Variants in LRBA observed in about 807,000 individuals in gnomAD.
LRBA encodes the protein LPS responsive beige-like anchor protein, also known as lipopolysaccharide-responsive and beige-like anchor protein.
LRBA carries 176 observed loss-of-function variants against 330.0 expected under a neutral mutation model. That is an observed-to-expected ratio of 0.53 (90% CI 0.47 to 0.60). The LOEUF is 0.60. Among genes scored for constraint, LRBA ranks in the 20% least tolerant of loss-of-function variants. LRBA has a pLI of 0.00. For synonymous variants in LRBA, 1,230 were observed against 1,193.0 expected, an observed-to-expected ratio of 1.03 and a Z score of -0.64; for missense variants, 3,259 against 3,444.8, an observed-to-expected ratio of 0.95 and a Z score of 1.35.
intron 40 of LRBA, among the ~76,000 whole-genome samples, chr4:150,547,996 A>G (rs902241424): frequency 6.6e-6 from 1 of 152,158 alleles, no homozygotes; most frequent in Non-Finnish European, 1.5e-5. Flanking sequence ...TGCCTTAAAC[A>G]TATTTATTTA....
chr4:150,884,362 G>C (rs1728724646), intron 17 of LRBA, among the ~76,000 whole-genome samples: 1 of 152,150 alleles, frequency 6.6e-6, no homozygotes, highest in Non-Finnish European at 1.5e-5. Flanking sequence ...ACTCCACACA[G>C]ACATAGCTGA....
At chr4:150,626,438 A>T (rs1776869684) in intron 37 of LRBA, among the ~76,000 whole-genome samples, 1 of 152,240 alleles carries the variant, frequency 6.6e-6, no homozygotes, top group African/African-American at 2.4e-5. Flanking sequence ...GTGTTTATCA[A>T]TACAACATTA....
chr4:150,472,655 C>T (rs917378400), intron 42 of LRBA, among the ~76,000 whole-genome samples: 5 of 152,094 alleles, frequency 3.3e-5, no homozygotes, highest in African/African-American at 1.2e-4. Flanking sequence ...TCATTCCTAT[C>T]CCCACCTACA....
At chr4:150,978,760 T>A (rs1463024852) in intron 2 of LRBA, among the ~76,000 whole-genome samples, 2 of 151,874 alleles carry the variant, frequency 1.3e-5, no homozygotes, top group South Asian at 4.2e-4. Flanking sequence ...TGCATCAGAG[T>A]CTCTTAACAG....
At chr4:150,924,292 G>A (rs1215866246) in intron 4 of LRBA, among the ~76,000 whole-genome samples, 6 of 152,036 alleles carry the variant, frequency 3.9e-5, no homozygotes, top group South Asian at 2.1e-4. Flanking sequence ...TGGAGGGATC[G>A]CTTGAGCCTA....
At chr4:150,289,223 C>G (rs544926048) in intron 53 of LRBA, among the ~76,000 whole-genome samples, 73 of 152,034 alleles carry the variant, frequency 4.8e-4, no homozygotes, top group Non-Finnish European at 8.8e-4. Context: ...GCTTTGTTTA[C>G]AAAATACTAG....
At chr4:150,332,458 A>G (rs1561025935) in intron 48 of LRBA, among the ~76,000 whole-genome samples, 2 of 152,184 alleles carry the variant, frequency 1.3e-5, no homozygotes, top group Non-Finnish European at 2.9e-5. Flanking sequence ...CTTATTGATC[A>G]GACTATAAGT....
chr4:150,831,438 TTAAC>T (rs1412491293), intron 29 of LRBA, among the ~76,000 whole-genome samples: 2 of 152,198 alleles, frequency 1.3e-5, no homozygotes, highest in Non-Finnish European at 2.9e-5. Flanking sequence ...CAACAGCTAC[TTAAC>T]TAACTATACT....
intron 16 of LRBA, among the ~76,000 whole-genome samples, chr4:150,894,019 T>C (rs1729783594): frequency 6.6e-6 from 1 of 152,236 alleles, no homozygotes; most frequent in Admixed American, 6.5e-5. Flanking sequence ...ATACCTTTTA[T>C]GTTATATTGA....
chr4:150,272,315 AG>A (rs1207756596), intron 56 of LRBA, among the ~76,000 whole-genome samples: 1 of 152,210 alleles, frequency 6.6e-6, no homozygotes, highest in African/African-American at 2.4e-5. Context: ...ACCCATCCAA[AG>A]GTCACCAACA....
intron 17 of LRBA, among the ~76,000 whole-genome samples, chr4:150,874,782 C>A (rs186620314): frequency 2.6e-4 from 40 of 152,178 alleles, no homozygotes; most frequent in Non-Finnish European, 5.4e-4. Flanking sequence ...CTCCAGGCAA[C>A]TGACGCACCC....
At chr4:150,594,899 C>G (rs1773317218) in intron 38 of LRBA, among the ~76,000 whole-genome samples, 1 of 151,954 alleles carries the variant, frequency 6.6e-6, no homozygotes, top group Admixed American at 6.6e-5. Context: ...AAAACACACA[C>G]AACAAAAACT....
intron 56 of LRBA, among the ~76,000 whole-genome samples, chr4:150,267,370 T>C (rs55728314): frequency 0.26 from 39,513 of 151,924 alleles, 5,351 homozygotes; most frequent in Non-Finnish European, 0.3. Flanking sequence ...TAGGTACCAA[T>C]AACTGAAGGT....
At chr4:150,335,330 G>T (rs1288502591) in intron 48 of LRBA, among the ~76,000 whole-genome samples, 1 of 151,142 alleles carries the variant, frequency 6.6e-6, no homozygotes, top group Non-Finnish European at 1.5e-5. Context: ...ACCAAAGAAA[G>T]AAAAATTTCT....
At chr4:150,300,098 T>C (rs1453749993) in intron 53 of LRBA, among the ~76,000 whole-genome samples, 1 of 152,102 alleles carries the variant, frequency 6.6e-6, no homozygotes, top group Non-Finnish European at 1.5e-5. Context: ...GTTTGTCATT[T>C]TCTTTTGAAA....
At chr4:150,294,643 A>G (rs1382935401) in intron 53 of LRBA, among the ~76,000 whole-genome samples, 1 of 152,206 alleles carries the variant, frequency 6.6e-6, no homozygotes, top group Admixed American at 6.5e-5. Flanking sequence ...AGCACCCATT[A>G]GTATCATATA....
chr4:150,675,643 G>A (rs1319992288), intron 37 of LRBA, among the ~76,000 whole-genome samples: 5 of 152,002 alleles, frequency 3.3e-5, no homozygotes, highest in Admixed American at 6.6e-5. Context: ...GCCTGAACCC[G>A]GGAAGTGGAG....
intron 40 of LRBA, among the ~76,000 whole-genome samples, chr4:150,528,036 C>T (rs552958843): frequency 6.6e-6 from 1 of 152,122 alleles, no homozygotes; most frequent in South Asian, 2.1e-4. Context: ...TTTTCCTTAC[C>T]TAACCTCAAG....
Position 150,590,904 on chromosome 4 carries a change from G to A in LRBA, c.6047-45C>T, listed in dbSNP as rs77445436. The A allele has an allele frequency of 8.2e-4, 1,309 of 1,597,052 alleles. 10 individuals are homozygous for A. In the African/African-American group the frequency reaches 0.016, roughly 19 times the overall value. On this transcript the variant is annotated intron_variant, in intron 38 of 56. Transcript: ENST00000651943. ...AAGCTGTCCATCAGTTCTGGGAAGA[G>A]CACTTCGGCAGAGGGGTAGGGGCTT...
Sources: gnomAD v4.1 joint callset for allele counts (sites outside exome capture counted in the v4.1 genomes callset) on GRCh38, gnomAD v4.1.1 for gene constraint, MANE v1.5 for transcripts, NCBI Gene and HGNC (gene_info 2026-07-23, HGNC 2026-07-21) for gene names.